The following EPHB4 variants were observed in gnomAD, a reference collection of about 807,000 sequenced individuals.
EPHB4 encodes the protein ephrin type-B receptor 4.
In EPHB4, 50 loss-of-function variants were observed where a neutral mutation model predicts 110.6. The observed-to-expected ratio is 0.45, with a 90% CI of 0.36 to 0.57. The LOEUF (loss-of-function observed/expected upper bound fraction) is 0.57, where lower values mean the gene tolerates loss of function less well. Ranked by LOEUF, EPHB4 falls within the 20% of genes least tolerant of loss-of-function variation. EPHB4 has a pLI of 0.00. For synonymous variants in EPHB4, 592 were observed against 578.4 expected, an observed-to-expected ratio of 1.02 and a Z score of -0.34; for missense variants, 1,128 against 1,382.1, an observed-to-expected ratio of 0.82 and a Z score of 2.91.
At chr7:100,826,265 T>G (rs1813393319) in intron 1 of EPHB4, among the ~76,000 whole-genome samples, 1 of 151,594 alleles carries the variant, frequency 6.6e-6, no homozygotes, top group Non-Finnish European at 1.5e-5. Flanking sequence ...ATGTGGGGGC[T>G]GTGTAGGTCA....
intron 12 of EPHB4, among the ~76,000 whole-genome samples, chr7:100,808,603 T>C (rs1285819684): frequency 6.6e-6 from 1 of 152,140 alleles, no homozygotes; most frequent in Non-Finnish European, 1.5e-5. Flanking sequence ...GTGTATGGAT[T>C]TGCAAGAGAA....
At position 100,819,873 on chromosome 7, in the gene EPHB4, C is replaced by A. The variant is rs760369016; in HGVS notation, c.981G>T (p.Pro327=). Residue 327 remains proline, a synonymous_variant, in exon 6 of 17, where the codon CCG becomes CCT. Coordinates refer to ENST00000358173, the MANE Select transcript of EPHB4 (RefSeq NM_004444.5). The part of the protein sequence containing the change: ...GAPCTTPPSA[P]RSVVSRLNGS... ...CGTTCAGGCGGGAAACCACGCTCCG[C>A]GGAGCCGAAGGAGGGGCTGCAGGAG... 1.3e-6 allele frequency: 2 copies of A among 1,546,442 alleles called. No individual in the cohort carries two copies. The highest frequency in any genetic ancestry group is 2.7e-5 in the African/African-American group (2 of 73,108).
rs1424363903 is a variant in EPHB4 at position 100,803,262 on chromosome 7, T to A, written c.*199A>T. ...GGCGCCCTCACCCTTGGTCTGGAGT[T>A]CCCCGAGGTGGCTGGGGGGTGATTT... On this transcript the variant is annotated 3_prime_UTR_variant, in exon 17 of 17. Coordinates refer to ENST00000358173, the MANE Select transcript of EPHB4 (RefSeq NM_004444.5). 1.7e-6 allele frequency: 1 copy of A among 580,748 alleles called. No homozygotes were observed. Among genetic ancestry groups the A allele is most frequent in the East Asian group, 3.2e-5 (1 of 31,440 alleles). The allele number at this position is 580,748 out of a possible 1,614,324, so 36.0% of individuals were successfully genotyped here. A position where few individuals can be genotyped will look rare whatever the true frequency, so the allele number is the denominator to read the frequency against.
intron 15 of EPHB4, 54 bp from the exon 16 acceptor site, chr7:100,805,375 G>C: frequency 1.2e-6 from 2 of 1,608,460 alleles, no homozygotes; most frequent in Non-Finnish European, 8.5e-7. Context: ...GTCCGGGGGA[G>C]GAGGTGGAAC....
At position 100,819,750 on chromosome 7, in the gene EPHB4, G is replaced by C; in HGVS notation, c.1104C>G (p.Gly368=). 1 of 1,606,992 alleles carries C rather than the reference G, an allele frequency of 6.2e-7. No homozygotes were observed. Among genetic ancestry groups the C allele is most frequent in the Non-Finnish European group, 8.5e-7 (1 of 1,177,076 alleles). Residue 368 remains glycine (G), a synonymous_variant, in exon 6 of 17, where the codon GGC becomes GGG. Coordinates refer to ENST00000358173, the MANE Select transcript of EPHB4 (RefSeq NM_004444.5). ...GGTCTCCCCCGCAGGGCGCACAGGA[G>C]CCTCCGGGTCGGCACTCCCGGCAGC... ...ALRCRECRPG[G]SCAPCGGDLT...
intron 13 of EPHB4, 67 bp from the exon 14 acceptor site, chr7:100,806,636 C>T: frequency 5.3e-6 from 8 of 1,513,054 alleles, no homozygotes; most frequent in Non-Finnish European, 7.1e-6. Flanking sequence ...CAGCACACTG[C>T]CCCCCAGTCC....
In EPHB4 at chr7:100,822,214, G is replaced by A. The variant is rs1056744198; in HGVS notation, c.808+57C>T. 4 of 1,505,214 alleles carry A rather than the reference G, an allele frequency of 2.7e-6. No homozygotes were observed. The highest frequency in any genetic ancestry group is 2.7e-6 in the Non-Finnish European group (3 of 1,126,426). 93.2% of individuals were successfully genotyped at this position (1,505,214 alleles called of 1,614,324 possible). Reference sequence around the variant, plus strand: ...AAACTTAAGAAGTGGGTCCTGAGTGGAGTTCAGGACTCTCCCCCGGATGAG... The same window carrying A: ...AAACTTAAGAAGTGGGTCCTGAGTGAAGTTCAGGACTCTCCCCCGGATGAG... On this transcript the variant is annotated intron_variant, in intron 4 of 16. Transcript: ENST00000358173. This position sits in a 1 kb window ranked among gnomAD's most constrained non-coding sequence, Gnocchi z 4.7.
Position 100,823,567 on chromosome 7 carries a change from G to C in EPHB4, c.411+77C>G, listed in dbSNP as rs754759586. 139 of 1,548,970 alleles carry C rather than the reference G, an allele frequency of 9.0e-5. 2 individuals carry two copies. The South Asian group carries it at 1.6e-3, about 18-fold the overall frequency. On this transcript the variant is annotated intron_variant, in intron 3 of 16. Coordinates refer to ENST00000358173, the MANE Select transcript of EPHB4 (RefSeq NM_004444.5). ...GGGCCAGAGGCCTCGCAACTACATC[G>C]GCTGCCCTCCAGGCCACGGGCCTGC...
chr7:100,825,580 C>T, intron 1 of EPHB4: 1 of 152,422 alleles, frequency 6.6e-6, no homozygotes. Context: ...CTCTTTCTGA[C>T]AGTCACTATC....
chr7:100,813,433 A>C, intron 10 of EPHB4: 2 of 668,760 alleles, frequency 3.0e-6, no homozygotes. Flanking sequence ...CTTCTGCCTC[A>C]GCCTCCTGAG....
intron 8 of EPHB4, among the ~76,000 whole-genome samples, chr7:100,815,518 C>A (rs1293272879): frequency 1.3e-5 from 2 of 152,082 alleles, no homozygotes; most frequent in Non-Finnish European, 2.9e-5. Context: ...TGGCTAAGGG[C>A]TATAGGGTCT....
At chr7:100,821,986 C>T (rs1005806461) in intron 4 of EPHB4, among the ~76,000 whole-genome samples, 5 of 152,078 alleles carry the variant, frequency 3.3e-5, no homozygotes, top group Admixed American at 1.3e-4. Flanking sequence ...CATGGCGAAA[C>T]CCCGTCTCTA....
chr7:100,820,505 T>C (rs1045486968), intron 4 of EPHB4: 17 of 483,712 alleles, frequency 3.5e-5, no homozygotes, highest in Non-Finnish European at 5.2e-5. Context: ...TTAAGGCTGA[T>C]GAAGTGCTAA....
In EPHB4 at chr7:100,807,444, A is replaced by C; in HGVS notation, c.2255T>G (p.Leu752Arg). 1 of 1,613,322 alleles carries C rather than the reference A, an allele frequency of 6.2e-7. No homozygotes were observed. Among genetic ancestry groups the C allele is most frequent in the Non-Finnish European group, 8.5e-7 (1 of 1,179,916 alleles). ...GCCAAAGTCAGACACTTTGCAGACG[A>C]GGTTGCTGTTGACTAGGATGTTGCG... ...AARNILVNSN[L>R]VCKVSDFGLS... Residue 752 changes from leucine to arginine, a missense_variant, in exon 13 of 17, where the codon CTC becomes CGC. Physicochemically the swap from Leu to Arg is moderately radical, Grantham distance 102 (BLOSUM62 -2). Coordinates refer to ENST00000358173, the MANE Select transcript of EPHB4 (RefSeq NM_004444.5).
Position 100,812,969 on chromosome 7 carries a change from C to A in EPHB4, c.1896G>T (p.Gly632=), listed in dbSNP as rs746247368. The change falls in exon 12 of 17, where the codon GGG becomes GGT. Residue 632 remains glycine (G), a synonymous_variant. Coordinates refer to ENST00000358173, the MANE Select transcript of EPHB4 (RefSeq NM_004444.5). The part of the protein sequence containing the change: ...GAGEFGEVCR[G]RLKAPGKKES... ...CCTTCTTCCCTGGGGCCTTGAGCCG[C>A]CCCCGGCACACCTCGCCAAACTCAC... The A allele has an allele frequency of 1.9e-6, 3 of 1,613,692 alleles. No homozygotes were observed. Among genetic ancestry groups the A allele is most frequent in the Non-Finnish European group, 2.5e-6 (3 of 1,179,788 alleles).
intron 13 of EPHB4, 115 bp downstream of exon 13, chr7:100,807,250 C>T: frequency 1.9e-6 from 2 of 1,071,796 alleles, no homozygotes; most frequent in Non-Finnish European, 2.7e-6. Flanking sequence ...CCACAGCCTG[C>T]TCCTGTATCC....
chr7:100,815,125 C>T (rs1813035620), intron 8 of EPHB4, among the ~76,000 whole-genome samples: 1 of 151,818 alleles, frequency 6.6e-6, no homozygotes. Flanking sequence ...TCGAGACCAG[C>T]CTGGGAAACA....
chr7:100,805,817 G>C lies in EPHB4; in HGVS notation c.2485-123C>G, dbSNP rs191108582. On this transcript the variant is annotated intron_variant, in intron 14 of 16. Coordinates refer to ENST00000358173, the MANE Select transcript of EPHB4 (RefSeq NM_004444.5). ...AGCCACAGCCCCCCAAAAAATAACA[G>C]ATCCAGGAATCCTCCTAGCCGGAGT... 172 of 975,222 alleles carry C rather than the reference G, an allele frequency of 1.8e-4. No individual in the cohort carries two copies. In the African/African-American group the frequency reaches 2.6e-3, roughly 15 times the overall value. 60.4% of individuals were successfully genotyped at this position (975,222 alleles called of 1,614,324 possible).
At chr7:100,824,392 G>A in intron 1 of EPHB4, 119 bp from the exon 2 acceptor site, 3 of 1,062,216 alleles carry the variant, frequency 2.8e-6, no homozygotes, top group South Asian at 2.7e-5. Context: ...GGAGTTGGGG[G>A]GCCAAGAGGG....
Sources: gnomAD v4.1 joint callset for allele counts (sites outside exome capture counted in the v4.1 genomes callset) on GRCh38, gnomAD v4.1.1 for gene constraint, Gnocchi (gnomAD v3.1) non-coding constraint, MANE v1.5 for transcripts, NCBI Gene and HGNC (gene_info 2026-07-23, HGNC 2026-07-21) for gene names.